MKRN1: variants seen among roughly 807,000 people sequenced by gnomAD.
MKRN1 encodes the protein makorin ring finger protein 1, also known as E3 ubiquitin-protein ligase makorin-1.
A neutral mutation model predicts 55.5 loss-of-function variants in MKRN1; 9 were observed. The observed-to-expected ratio is 0.16, with a 90% CI of 0.10 to 0.28. The LOEUF is 0.28. Among genes scored for constraint, MKRN1 ranks in the 10% least tolerant of loss-of-function variants. The pLI is 1.00. For synonymous variants in MKRN1, 253 were observed against 235.9 expected (o/e 1.07, Z -0.66); for missense variants, 488 against 626.7 (o/e 0.78, Z 2.36).
At chr7:140,475,303 A>T in intron 1 of MKRN1, 1 of 409,968 alleles carries the variant, frequency 2.4e-6, no homozygotes, top group Non-Finnish European at 4.9e-6. Context: ...AGATCGTGCC[A>T]CTGCACTCCA....
rs956309980 is a variant in MKRN1, at chr7:140,455,621, T to C, written c.1097+169A>G. The C allele has an allele frequency of 3.6e-5, 22 of 614,050 alleles. No homozygotes were observed. In the African/African-American group the frequency reaches 3.7e-4, roughly 10 times the overall value. 38.0% of individuals were successfully genotyped at this position (614,050 alleles called of 1,614,324 possible). On this transcript the variant is annotated intron_variant, in intron 6 of 7. Transcript: ENST00000255977. ...CTTGGCATGGACCCCAAGGACTGTGTTATAGCAAGATATATACTGGATGTT... is the reference window on the plus strand; with the variant it reads ...CTTGGCATGGACCCCAAGGACTGTGCTATAGCAAGATATATACTGGATGTT...
In MKRN1 at chr7:140,479,407, T is replaced by A; in HGVS notation, c.-63A>T. ...CGGGATCACATAGTTCCGGTCCGGC[T>A]GCGGGGAGAGGACGGCGAGGCCAGG... On this transcript the variant is annotated 5_prime_UTR_variant, in exon 1 of 8. Transcript: ENST00000255977. The A allele has an allele frequency of 8.0e-7, 1 of 1,256,876 alleles. No homozygotes were observed. 77.9% of individuals were successfully genotyped at this position (1,256,876 alleles called of 1,614,324 possible). A position where few individuals can be genotyped will look rare whatever the true frequency, so the allele number is the denominator to read the frequency against.
At chr7:140,462,835 G>A (rs1794662214) in intron 2 of MKRN1, among the ~76,000 whole-genome samples, 1 of 152,126 alleles carries the variant, frequency 6.6e-6, no homozygotes, top group African/African-American at 2.4e-5. Context: ...GTGTGGTGGT[G>A]TGCGTCTGTA....
intron 1 of MKRN1, among the ~76,000 whole-genome samples, chr7:140,477,669 G>A (rs1795166024): frequency 6.8e-6 from 1 of 147,570 alleles, no homozygotes; most frequent in Non-Finnish European, 1.5e-5. Flanking sequence ...TGTTGGCCAG[G>A]CTGGTCTCGA....
At position 140,471,892 on chromosome 7, in the gene MKRN1, T is replaced by A. The variant is rs1016834959; in HGVS notation, c.305A>T (p.Asp102Val). ...ATAAACAAATTCTTACCTGCAGCGG[T>A]CTCCATAAATACAGTACCCTCGCTG... ...YFQRGYCIYG[D>V]RCRYEHSKPL... Residue 102 changes from aspartate to valine, a missense_variant, in exon 2 of 8, where the codon GAC (aspartate) becomes GTC (valine). This residue lies in a region of MKRN1 where 210 missense variants were observed against 220.0 expected (regional missense o/e 0.95). Transcript: ENST00000255977. The A allele has an allele frequency of 9.3e-6, 15 of 1,612,278 alleles. No individual in the cohort carries two copies. In the Admixed American group the frequency reaches 1.5e-4, roughly 16 times the overall value.
chr7:140,474,504 A>G, intron 1 of MKRN1: 1 of 309,578 alleles, frequency 3.2e-6, no homozygotes, highest in East Asian at 1.1e-4. Flanking sequence ...AAAAAAAAAT[A>G]AATAAATAAA....
At chr7:140,457,015 A>G (rs1017125453) in intron 4 of MKRN1, 149 bp from the exon 5 acceptor site, 6 of 772,682 alleles carry the variant, frequency 7.8e-6, no homozygotes. Context: ...TTTGCTGACA[A>G]GTAAACACAG....
At chr7:140,470,442 AGGTGTGGTGGCG>A (rs1794892261) in intron 2 of MKRN1, among the ~76,000 whole-genome samples, 1 of 148,872 alleles carries the variant, frequency 6.7e-6, no homozygotes, top group Non-Finnish European at 1.5e-5. Flanking sequence ...AAAATTAGCT[AGGTGTGGTGGCG>A]GGCGCCTGTA....
chr7:140,479,429 C>T lies in MKRN1; in HGVS notation c.-85G>A. On this transcript the variant is annotated 5_prime_UTR_variant, in exon 1 of 8. Transcript: ENST00000255977. ...GGCTGCGGGGAGAGGACGGCGAGGC[C>T]AGGCGAGGGGAGGGGAAGGACACTG... 1 of 1,236,372 alleles carries T rather than the reference C, an allele frequency of 8.1e-7. No homozygotes were observed. Among genetic ancestry groups the T allele is most frequent in the Non-Finnish European group, 1.0e-6 (1 of 981,684 alleles). The allele number at this position is 1,236,372 out of a possible 1,614,324, so 76.6% of individuals were successfully genotyped here.
At chr7:140,472,118 C>T (rs935671739) in intron 1 of MKRN1, 107 bp from the exon 2 acceptor site, 21 of 1,456,244 alleles carry the variant, frequency 1.4e-5, no homozygotes, top group East Asian at 2.4e-5. Context: ...CACAAACATA[C>T]GAAATAAACA....
chr7:140,475,384 G>C, intron 1 of MKRN1: 1 of 346,278 alleles, frequency 2.9e-6, no homozygotes, highest in South Asian at 2.1e-5. Context: ...TCAAGGCCAA[G>C]CATGGTGGCT....
chr7:140,474,349 A>C lies in MKRN1; in HGVS notation c.186-2338T>G, dbSNP rs186920218. 5.5e-3 allele frequency: 1,251 copies of C among 227,710 alleles called. 19 individuals carry two copies. The highest frequency in any genetic ancestry group is 0.024 in the African/African-American group (1,025 of 42,430). The allele number at this position is 227,710 out of a possible 1,614,324, so 14.1% of individuals were successfully genotyped here. Reference sequence around the variant, plus strand: ...TGTTTCTACTAAAAATACAAAAAAAACAAACAATTAGCCAGGCATGGTGGC... The same window carrying C: ...TGTTTCTACTAAAAATACAAAAAAACCAAACAATTAGCCAGGCATGGTGGC... On this transcript the variant is annotated intron_variant, in intron 1 of 7. Coordinates refer to ENST00000255977, the MANE Select transcript of MKRN1 (RefSeq NM_013446.4).
chr7:140,464,980 T>C (rs1445833447), intron 2 of MKRN1, among the ~76,000 whole-genome samples: 1 of 152,094 alleles, frequency 6.6e-6, no homozygotes, highest in Non-Finnish European at 1.5e-5. Flanking sequence ...AGGTACGTAG[T>C]TTTGCCATGT....
At chr7:140,460,246 C>CAAAAAAAAAA (rs58698651) in intron 2 of MKRN1, 44 of 76,804 alleles carry the variant, frequency 5.7e-4, no homozygotes, top group African/African-American at 1.7e-3. Context: ...GACTCCGTCT[C>CAAAAAAAAAA]AAAAAAAAAA....
intron 1 of MKRN1, among the ~76,000 whole-genome samples, chr7:140,475,032 C>A (rs140548381): frequency 6.6e-6 from 1 of 151,846 alleles, no homozygotes; most frequent in East Asian, 2.0e-4. Flanking sequence ...CTTTAAGTTA[C>A]GTTAACCACA....
rs1156830668 is a variant in MKRN1 at position 140,459,716 on chromosome 7, A to C, written c.535T>G (p.Cys179Gly). 1 of 1,613,832 alleles carries C rather than the reference A, an allele frequency of 6.2e-7. No individual in the cohort carries two copies. Among genetic ancestry groups the C allele is most frequent in the Non-Finnish European group, 8.5e-7 (1 of 1,179,730 alleles). Residue 179 changes from cysteine (C) to glycine (G), a missense_variant, in exon 3 of 8, where the codon TGT becomes GGT. Physicochemically the swap from Cys to Gly is radical, Grantham distance 159. Around this residue, in one of 2 missense-constraint regions of MKRN1, gnomAD observed 278 missense variants for 406.7 expected, o/e 0.68. Coordinates refer to ENST00000255977, the MANE Select transcript of MKRN1 (RefSeq NM_013446.4). ...AIEFVPGQPY[C>G]GRTAPSCTEA... ...TCTTCAGAATACTTACTACGGCCAC[A>C]GTAGGGTTGCCCAGGAACAAACTCA...
intron 1 of MKRN1, 110 bp downstream of exon 1, chr7:140,479,050 C>G: frequency 8.3e-7 from 1 of 1,202,838 alleles, no homozygotes; most frequent in Non-Finnish European, 1.0e-6. Flanking sequence ...CGCCGGTCCC[C>G]GCCCTCCCGC....
At position 140,465,623 on chromosome 7, in the gene MKRN1, C is replaced by A. The variant is rs553678681; in HGVS notation, c.315-5687G>T. Reference sequence around the variant, plus strand: ...ACAGTCCCGAGCAACAAAGAACTGGCCTCACTAAACAAAAGCACCACCATT... The same window carrying A: ...ACAGTCCCGAGCAACAAAGAACTGGACTCACTAAACAAAAGCACCACCATT... On this transcript the variant is annotated intron_variant, in intron 2 of 7. Transcript: ENST00000255977. Among the ~76,000 whole-genome samples, 3 of 152,202 alleles carry A rather than the reference C, an allele frequency of 2.0e-5. No homozygotes were observed. In the East Asian group the frequency reaches 5.8e-4, roughly 29 times the overall value.
At chr7:140,464,259 C>T (rs1243670200) in intron 2 of MKRN1, among the ~76,000 whole-genome samples, 1 of 152,254 alleles carries the variant, frequency 6.6e-6, no homozygotes, top group South Asian at 2.1e-4. Flanking sequence ...TCCCTTGGAG[C>T]CAAGCTTCAT....
Sources: allele counts gnomAD v4.1 joint callset (sites outside exome capture counted in the v4.1 genomes callset), GRCh38; gene constraint gnomAD v4.1.1; regional missense constraint gnomAD v4.1.1; transcripts MANE v1.5; gene names NCBI Gene and HGNC (gene_info 2026-07-23, HGNC 2026-07-21).